SORCS2: variants seen among roughly 807,000 people sequenced by gnomAD.
The protein encoded by SORCS2 is sortilin related VPS10 domain containing receptor 2.
Under a neutral mutation model 141.6 loss-of-function variants are expected in SORCS2, and 100 were observed. The ratio of observed to expected loss-of-function variants is 0.71; its 90% confidence interval spans 0.60 to 0.83. The LOEUF (loss-of-function observed/expected upper bound fraction) is 0.83. Among genes scored for constraint, SORCS2 ranks in the 40% least tolerant of loss-of-function variants. The pLI, the probability that SORCS2 is intolerant of heterozygous loss-of-function variation, is 0.00. For synonymous variants in SORCS2, 789 were observed against 676.9 expected (o/e 1.17, Z -2.57); for missense variants, 1,646 against 1,560.2 (o/e 1.05, Z -0.93).
chr4:7,461,013 G>A (rs968058696), intron 2 of SORCS2, among the ~76,000 whole-genome samples: 4 of 152,028 alleles, frequency 2.6e-5, no homozygotes, highest in South Asian at 2.1e-4. Flanking sequence ...CCTGCTGCCC[G>A]GGGAGTGTCA....
At chr4:7,698,772 C>T (rs753188192) in intron 12 of SORCS2, among the ~76,000 whole-genome samples, 2 of 152,192 alleles carry the variant, frequency 1.3e-5, no homozygotes, top group Non-Finnish European at 2.9e-5. Flanking sequence ...AGGAGAGGGG[C>T]TTGCCTGGCT....
intron 1 of SORCS2, among the ~76,000 whole-genome samples, chr4:7,260,282 A>T (rs1438059125): frequency 6.6e-6 from 1 of 151,980 alleles, no homozygotes; most frequent in Non-Finnish European, 1.5e-5. Context: ...CTCTGTGGCC[A>T]CTCAAAGGGG....
intron 2 of SORCS2, among the ~76,000 whole-genome samples, chr4:7,426,706 G>A (rs1052563635): frequency 6.6e-6 from 1 of 152,102 alleles, no homozygotes; most frequent in Non-Finnish European, 1.5e-5. Context: ...CACAAGAGAG[G>A]GTACCTTTAC....
At chr4:7,305,611 G>A (rs1209485432) in intron 1 of SORCS2, among the ~76,000 whole-genome samples, 1 of 152,196 alleles carries the variant, frequency 6.6e-6, no homozygotes, top group African/African-American at 2.4e-5. Flanking sequence ...GGGGCTTAGT[G>A]TGAGAGAAGC....
At chr4:7,231,259 C>A (rs2108776232) in intron 1 of SORCS2, among the ~76,000 whole-genome samples, 1 of 152,314 alleles carries the variant, frequency 6.6e-6, no homozygotes, top group South Asian at 2.1e-4. Context: ...GGGGGAGGGT[C>A]AGCTTTGTCT....
intron 3 of SORCS2, among the ~76,000 whole-genome samples, chr4:7,609,555 T>C (rs950655939): frequency 6.6e-6 from 1 of 152,198 alleles, no homozygotes; most frequent in Non-Finnish European, 1.5e-5. Flanking sequence ...TGAGAAAGGT[T>C]TTCCTCCTCC....
chr4:7,592,898 G>A (rs1717011514), intron 3 of SORCS2, among the ~76,000 whole-genome samples: 1 of 152,236 alleles, frequency 6.6e-6, no homozygotes, highest in African/African-American at 2.4e-5. Flanking sequence ...TAAAGCAAAT[G>A]CTAATAATTT....
Position 7,590,482 on chromosome 4 carries a change from G to A in SORCS2, c.649-47846G>A, listed in dbSNP as rs558475313. Among the ~76,000 whole-genome samples, 4 of 152,350 alleles carry A rather than the reference G, an allele frequency of 2.6e-5. 1 individual carries two copies. In the East Asian group the frequency reaches 5.8e-4, roughly 22 times the overall value. ...GGCAAGAATGAGCTCTGGCTGGAGAGTCTAGAGAGTGGACTTCTCCCCTCG... is the reference window on the plus strand; with the variant it reads ...GGCAAGAATGAGCTCTGGCTGGAGAATCTAGAGAGTGGACTTCTCCCCTCG... On this transcript the variant is annotated intron_variant, in intron 3 of 26. Coordinates refer to ENST00000507866, the MANE Select transcript of SORCS2 (RefSeq NM_020777.3).
chr4:7,705,040 T>C (rs887452528), intron 14 of SORCS2, among the ~76,000 whole-genome samples: 3 of 151,942 alleles, frequency 2.0e-5, no homozygotes, highest in African/African-American at 4.8e-5. Context: ...CCCGGAACCA[T>C]GAATGGGACC....
intron 1 of SORCS2, among the ~76,000 whole-genome samples, chr4:7,202,137 C>T (rs1279383905): frequency 6.6e-6 from 1 of 152,190 alleles, no homozygotes. Flanking sequence ...CCATCCCTGA[C>T]CTGCTCTGCA....
At chr4:7,246,377 A>G (rs1560137543) in intron 1 of SORCS2, among the ~76,000 whole-genome samples, 1 of 152,146 alleles carries the variant, frequency 6.6e-6, no homozygotes, top group Non-Finnish European at 1.5e-5. Context: ...CAGGGCTTAA[A>G]TGAACCCGCA....
At chr4:7,502,750 A>G (rs1450017976) in intron 2 of SORCS2, among the ~76,000 whole-genome samples, 1 of 152,146 alleles carries the variant, frequency 6.6e-6, no homozygotes, top group East Asian at 1.9e-4. Flanking sequence ...CCATCTGCCA[A>G]CATGACCTCT....
rs563593613 is a variant in SORCS2, at chr4:7,457,215, C to T, written c.548+60860C>T. Reference sequence around the variant, plus strand: ...CCCAAGGCATATTCTGTCTTCCCAGCCGCCATGCACTGGACCTGAATCCCA... The same window carrying T: ...CCCAAGGCATATTCTGTCTTCCCAGTCGCCATGCACTGGACCTGAATCCCA... On this transcript the variant is annotated intron_variant, in intron 2 of 26. Coordinates refer to ENST00000507866, the MANE Select transcript of SORCS2 (RefSeq NM_020777.3). Among the ~76,000 whole-genome samples, 7 of 152,354 alleles carry T rather than the reference C, an allele frequency of 4.6e-5. No homozygotes were observed. The East Asian group carries it at 9.6e-4, about 21-fold the overall frequency.
At chr4:7,729,841 A>T in intron 23 of SORCS2, 129 bp downstream of exon 23, 2 of 1,340,490 alleles carry the variant, frequency 1.5e-6, no homozygotes, top group Non-Finnish European at 2.0e-6. Context: ...TCTCAGTCTG[A>T]CTCAGGGTGG....
intron 10 of SORCS2, among the ~76,000 whole-genome samples, chr4:7,684,588 C>T (rs1723756129): frequency 6.6e-6 from 1 of 152,174 alleles, no homozygotes; most frequent in African/African-American, 2.4e-5. Context: ...CCTGGGGACA[C>T]CTGAAACCAC....
chr4:7,496,610 A>G (rs1002260497), intron 2 of SORCS2, among the ~76,000 whole-genome samples: 3 of 152,086 alleles, frequency 2.0e-5, no homozygotes, highest in African/African-American at 7.2e-5. Flanking sequence ...CTTACAAACC[A>G]GCATGATAAA....
intron 2 of SORCS2, among the ~76,000 whole-genome samples, chr4:7,521,237 C>G (rs531537390): frequency 6.6e-6 from 1 of 152,264 alleles, no homozygotes; most frequent in Admixed American, 6.5e-5. Context: ...GCATCCTGCT[C>G]TCTCCCTGTA....
rs573537223 is a variant in SORCS2 at position 7,605,801 on chromosome 4, G to C, written c.649-32527G>C. ...GTGCTGGTCCTGGGAGGGGGTCTTG[G>C]GGGTGAGGAGCAGGGGGAACAGCTG... On this transcript the variant is annotated intron_variant, in intron 3 of 26. Transcript: ENST00000507866. 4.6e-5 allele frequency among the ~76,000 whole-genome samples: 7 copies of C among 152,200 alleles called. No homozygotes were observed. The South Asian group carries it at 1.0e-3, about 23-fold the overall frequency.
chr4:7,583,400 C>G (rs1560404241), intron 3 of SORCS2, among the ~76,000 whole-genome samples: 2 of 152,196 alleles, frequency 1.3e-5, no homozygotes, highest in Non-Finnish European at 2.9e-5. Flanking sequence ...AGGAACTCAA[C>G]TTACCGAAGT....
Sources: allele counts gnomAD v4.1 joint callset (sites outside exome capture counted in the v4.1 genomes callset), GRCh38; gene constraint gnomAD v4.1.1; transcripts MANE v1.5; gene names NCBI Gene and HGNC (gene_info 2026-07-23, HGNC 2026-07-21).